NLRP10: variants seen among roughly 807,000 people sequenced by gnomAD.
NLRP10 encodes NLR family pyrin domain containing 10.
A neutral mutation model predicts 8.2 loss-of-function variants in NLRP10; 7 were observed. That is an observed-to-expected ratio of 0.85 (90% CI 0.48 to 1.60). The LOEUF (loss-of-function observed/expected upper bound fraction) is 1.60, where lower values mean the gene tolerates loss of function less well. NLRP10 is among the 40% of genes most tolerant of loss of function. The pLI, the probability that NLRP10 is intolerant of heterozygous loss-of-function variation, is 0.00. For missense variants in NLRP10, 814 were observed against 776.3 expected (o/e 1.05, Z -0.58); for synonymous variants, 338 against 314.0 (o/e 1.08, Z -0.81).
At position 7,961,067 on chromosome 11, in the gene NLRP10, A is replaced by C. The variant is rs200044292; in HGVS notation, c.545T>G (p.Leu182Arg). The C allele has an allele frequency of 1.2e-4, 198 of 1,614,078 alleles. 3 individuals are homozygous for C. The South Asian group carries it at 2.0e-3, about 16-fold the overall frequency. The change falls in exon 3 of 3, where the codon CTC (leucine) becomes CGC (arginine). Residue 182 changes from leucine to arginine, a missense_variant. Transcript: ENST00000691676. Reference protein sequence around the residue: ...QGSAGTGKTTLARKMVLDWAT... With the variant: ...QGSAGTGKTTRARKMVLDWAT... ...CCAGTCCAACACCATTTTTCTGGCGAGAGTTGTCTTTCCAGTGCCAGCCGA... is the reference window on the plus strand; with the variant it reads ...CCAGTCCAACACCATTTTTCTGGCGCGAGTTGTCTTTCCAGTGCCAGCCGA...
intron 1 of NLRP10, among the ~76,000 whole-genome samples, chr11:7,963,876 G>C (rs766885667): frequency 6.7e-6 from 1 of 149,740 alleles, no homozygotes; most frequent in Non-Finnish European, 1.5e-5. Context: ...ATTAGGCTCT[G>C]TATGCCTCCT....
chr11:7,965,307 G>T lies in NLRP10; in HGVS notation c.-107C>A, dbSNP rs1941799671. The T allele has an allele frequency of 1.3e-5, 2 of 152,264 alleles. No homozygotes were observed. The highest frequency in any genetic ancestry group is 2.4e-5 in the African/African-American group (1 of 41,462). 9.4% of individuals were successfully genotyped at this position (152,264 alleles called of 1,614,324 possible). ...GAGAACTCAGCTCCCTGATCCAGGA[G>T]CCCAGTAAGCAAAGCCTGGGGACTG... On this transcript the variant is annotated 5_prime_UTR_variant, in exon 1 of 3. Coordinates refer to ENST00000691676, the MANE Select transcript of NLRP10 (RefSeq NM_001391958.1).
At chr11:7,961,380 G>T (rs1276810883) in intron 2 of NLRP10, 58 bp from the exon 3 acceptor site, 4 of 1,155,066 alleles carry the variant, frequency 3.5e-6, no homozygotes, top group Non-Finnish European at 5.0e-6. Flanking sequence ...AGGCAAAATG[G>T]CCCCTCCAAA....
chr11:7,963,118 G>T (rs1236190292), intron 2 of NLRP10, 89 bp downstream of exon 2: 6 of 1,321,748 alleles, frequency 4.5e-6, no homozygotes, highest in African/African-American at 2.9e-5. Flanking sequence ...AAGGCATAAG[G>T]TACAGGCTAC....
chr11:7,962,426 C>T (rs1046233190), intron 2 of NLRP10, among the ~76,000 whole-genome samples: 23 of 151,676 alleles, frequency 1.5e-4, no homozygotes, highest in East Asian at 7.8e-4. Context: ...TTAGTAGAGA[C>T]GGGGTTTCAC....
rs758939720 is a variant in NLRP10 at position 7,959,893 on chromosome 11, C to T, written c.1719G>A (p.Lys573=). ...TCATCTGAATACCTTTTACCAGATT[C>T]TTTATTTTAGCTTCATACAGGGAGA... ...LEFSLYEAKI[K]NLVKGIQMNN... Residue 573 remains lysine (K), a synonymous_variant, in exon 3 of 3, where the codon AAG becomes AAA. Coordinates refer to ENST00000691676, the MANE Select transcript of NLRP10 (RefSeq NM_001391958.1). The T allele has an allele frequency of 6.2e-7, 1 of 1,613,766 alleles. No individual in the cohort carries two copies. The highest frequency in any genetic ancestry group is 8.5e-7 in the Non-Finnish European group (1 of 1,179,710).
Position 7,959,547 on chromosome 11 carries a change from C to A in NLRP10, c.*97G>T. On this transcript the variant is annotated 3_prime_UTR_variant, in exon 3 of 3. Transcript: ENST00000691676. ...AATATTGAGTCTTTCTATTCATGAA[C>A]ATGGAAAATCTTCCCATTCATTTAC... 1.6e-6 allele frequency: 1 copy of A among 642,560 alleles called. No individual in the cohort carries two copies. The highest frequency in any genetic ancestry group is 2.6e-6 in the Non-Finnish European group (1 of 383,684). The allele number at this position is 642,560 out of a possible 1,614,324, so 39.8% of individuals were successfully genotyped here. A position where few individuals can be genotyped will look rare whatever the true frequency, so the allele number is the denominator to read the frequency against.
In NLRP10 at chr11:7,961,160, G is replaced by A. The variant is rs775641848; in HGVS notation, c.452C>T (p.Thr151Met). ...PFPEQELESVTVEALFDSGEK... is the reference protein window; with the variant it reads ...PFPEQELESVMVEALFDSGEK... ...CCCTGAATCAAATAGAGCCTCCACC[G>A]TGACAGACTCCAGCTCCTGCTCCGG... The change falls in exon 3 of 3, where the codon ACG (threonine) becomes ATG (methionine). Residue 151 changes from threonine to methionine, a missense_variant. Coordinates refer to ENST00000691676, the MANE Select transcript of NLRP10 (RefSeq NM_001391958.1). 18 of 1,613,890 alleles carry A rather than the reference G, an allele frequency of 1.1e-5. No homozygotes were observed. The highest frequency in any genetic ancestry group is 5.0e-5 in the Admixed American group (3 of 59,980).
Position 7,958,986 on chromosome 11 carries a change from G to A in NLRP10, c.*658C>T, listed in dbSNP as rs1941667979. ...AGCATAAGTTTTTAATTTTCATGAA[G>A]CCAACTAATTCTTTTTTTAATGATT... is the stretch of plus-strand genomic sequence containing the variant. On this transcript the variant is annotated 3_prime_UTR_variant, in exon 3 of 3. Transcript: ENST00000691676. 6.6e-6 allele frequency among the ~76,000 whole-genome samples: 1 copy of A among 151,854 alleles called. No homozygotes were observed. Among genetic ancestry groups the A allele is most frequent in the Non-Finnish European group, 1.5e-5 (1 of 67,984 alleles).
chr11:7,962,780 G>C (rs1383267810), intron 2 of NLRP10, among the ~76,000 whole-genome samples: 1 of 152,068 alleles, frequency 6.6e-6, no homozygotes, highest in Non-Finnish European at 1.5e-5. Flanking sequence ...GTGGTTCCTT[G>C]AGAGATCAGG....
Position 7,962,640 on chromosome 11 carries a change from G to A in NLRP10, c.289+567C>T, listed in dbSNP as rs78717289. Among the ~76,000 whole-genome samples, 1,232 of 152,220 alleles carry A rather than the reference G, an allele frequency of 8.1e-3. 14 individuals carry two copies. The highest frequency in any genetic ancestry group is 0.029 in the African/African-American group (1,185 of 41,514). ...CATGAAACCCTCCCATTTGTACGTA[G>A]CAGAGGAGCTTTCAAGCATGAAAGG... On this transcript the variant is annotated intron_variant, in intron 2 of 2. Transcript: ENST00000691676.
Position 7,960,972 on chromosome 11 carries a change from G to C in NLRP10, c.640C>G (p.Leu214Val), listed in dbSNP as rs760115176. The C allele has an allele frequency of 1.2e-6, 2 of 1,614,094 alleles. No homozygotes were observed. Among genetic ancestry groups the C allele is most frequent in the Non-Finnish European group, 8.5e-7 (1 of 1,180,044 alleles). Residue 214 changes from leucine to valine, a missense_variant, in exon 3 of 3, where the codon CTG (leucine) becomes GTG (valine). Transcript: ENST00000691676. ...AGCTGCTCCAGTTTGCTCTCCAGCA[G>C]CAGGACCACTTCTTTGCAGCTTACA... ...FYVSCKEVVL[L>V]LESKLEQLLF... is the part of the protein sequence containing the mutation.
Position 7,958,797 on chromosome 11 carries a change from C to G in NLRP10, c.*847G>C, listed in dbSNP as rs766379671. 9.2e-5 allele frequency among the ~76,000 whole-genome samples: 14 copies of G among 152,204 alleles called. No homozygotes were observed. Among genetic ancestry groups the G allele is most frequent in the Non-Finnish European group, 1.6e-4 (11 of 68,040 alleles). Reference sequence around the variant, plus strand: ...TCTCTTGACCTCGTGATCCACCAGCCTGGGCCTCCTACTCACTTTTTAAGT... The same window carrying G: ...TCTCTTGACCTCGTGATCCACCAGCGTGGGCCTCCTACTCACTTTTTAAGT... On this transcript the variant is annotated 3_prime_UTR_variant, in exon 3 of 3. Transcript: ENST00000691676.
intron 1 of NLRP10, among the ~76,000 whole-genome samples, chr11:7,964,240 G>C (rs758268925): frequency 3.3e-5 from 5 of 152,170 alleles, no homozygotes; most frequent in Non-Finnish European, 7.3e-5. Context: ...AGTTTTAAAA[G>C]TGAGACTGTC....
In NLRP10 at chr11:7,959,747, T is replaced by G; in HGVS notation, c.1865A>C (p.His622Pro). 6.2e-7 allele frequency: 1 copy of G among 1,613,758 alleles called. No individual in the cohort carries two copies. Among genetic ancestry groups the G allele is most frequent in the Non-Finnish European group, 8.5e-7 (1 of 1,179,706 alleles). The stretch of plus-strand genomic sequence containing the variant: ...ATTATCTTTGCCCTCCTTCTGTCCA[T>G]GGACAGAAGGACATTTTTGCTCCTC... The part of the protein sequence containing the change: ...PKEEQKCPSV[H>P]GQKEGKDNIA... The change falls in exon 3 of 3, where the codon CAT becomes CCT. Residue 622 changes from histidine (H) to proline (P), a missense_variant. Coordinates refer to ENST00000691676, the MANE Select transcript of NLRP10 (RefSeq NM_001391958.1).
rs756294238 is a variant in NLRP10 at position 7,963,409 on chromosome 11, C to T, written c.87G>A (p.Lys29=). The change falls in exon 2 of 3, where the codon AAG becomes AAA. Residue 29 remains lysine, a synonymous_variant. Transcript: ENST00000691676. ...DLEENDFKKL[K]FYLRDMTLSE... The stretch of plus-strand genomic sequence containing the variant: ...ACAGGGTCATATCCCGTAAGTAGAA[C>T]TTTAACTTCTTGAAATCGTTCTCCT... The T allele has an allele frequency of 3.2e-5, 52 of 1,614,078 alleles. No individual in the cohort carries two copies. Among genetic ancestry groups the T allele is most frequent in the Non-Finnish European group, 4.2e-5 (49 of 1,180,046 alleles).
rs1420278565 is a variant in NLRP10 at position 7,961,114 on chromosome 11, T to C, written c.498A>G (p.Pro166=). ...FDSGEKPSLA[P]SLVVLQGSAG... ...CCGACCCCTGTAGCACAACTAAGGATGGGGCCAGTGAGGGCTTTTCCCCTG... is the reference window on the plus strand; with the variant it reads ...CCGACCCCTGTAGCACAACTAAGGACGGGGCCAGTGAGGGCTTTTCCCCTG... The change falls in exon 3 of 3, where the codon CCA becomes CCG. Residue 166 remains proline, a synonymous_variant. Transcript: ENST00000691676. The C allele has an allele frequency of 6.2e-7, 1 of 1,614,002 alleles. No homozygotes were observed. The highest frequency in any genetic ancestry group is 8.5e-7 in the Non-Finnish European group (1 of 1,180,022).
At chr11:7,964,223 A>G (rs2133647147) in intron 1 of NLRP10, among the ~76,000 whole-genome samples, 1 of 152,282 alleles carries the variant, frequency 6.6e-6, no homozygotes, top group South Asian at 2.1e-4. Context: ...TGCCCGGCCA[A>G]GTTTTAAGTT....
At position 7,960,486 on chromosome 11, in the gene NLRP10, C is replaced by CTA. The variant is rs772746198; in HGVS notation, c.1124_1125dup (p.Glu376Ter). The CTA allele has an allele frequency of 1.5e-5, 24 of 1,614,158 alleles. No homozygotes were observed. In the South Asian group the frequency reaches 2.5e-4, roughly 17 times the overall value. On this transcript the variant is annotated frameshift_variant, in exon 3 of 3. Coordinates refer to ENST00000691676, the MANE Select transcript of NLRP10 (RefSeq NM_001391958.1). LOFTEE classifies it low-confidence loss of function (END_TRUNC). ...ATGTCAGTGCTGTTTCTAGGTGTCT[C>CTA]TAAGACAACTTTGCCTCTCTCCATC... is the stretch of plus-strand genomic sequence containing the variant.
Sources: gnomAD v4.1 joint callset for allele counts (sites outside exome capture counted in the v4.1 genomes callset) on GRCh38, gnomAD v4.1.1 for gene constraint, MANE v1.5 for transcripts, NCBI Gene and HGNC (gene_info 2026-07-23, HGNC 2026-07-21) for gene names.